Variants in DLGAP1 observed in about 807,000 individuals in gnomAD.
DLGAP1 encodes disks large-associated protein 1.
Under a neutral mutation model 90.8 loss-of-function variants are expected in DLGAP1, and 11 were observed. That is an observed-to-expected ratio of 0.12 (90% CI 0.08 to 0.20). DLGAP1 has a LOEUF of 0.20. Among genes scored for constraint, DLGAP1 ranks in the 10% least tolerant of loss-of-function variants. DLGAP1 has a pLI of 1.00. For missense variants in DLGAP1, 1,050 were observed against 1,333.8 expected (o/e 0.79, Z 3.31); for synonymous variants, 558 against 540.7 (o/e 1.03, Z -0.44).
intron 1 of DLGAP1, among the ~76,000 whole-genome samples, chr18:4,306,139 G>A (rs1281809059): frequency 4.6e-5 from 7 of 151,572 alleles, no homozygotes; most frequent in Non-Finnish European, 8.8e-5. Context: ...GGTGATATCT[G>A]GAAAACTGGT....
At chr18:3,513,793 C>T (rs2050674919) in intron 10 of DLGAP1, among the ~76,000 whole-genome samples, 1 of 152,166 alleles carries the variant, frequency 6.6e-6, no homozygotes, top group Admixed American at 6.5e-5. Context: ...CTCCTGACTA[C>T]ATTCAAAGAC....
chr18:4,249,817 G>A (rs2078742622), intron 1 of DLGAP1, among the ~76,000 whole-genome samples: 1 of 152,146 alleles, frequency 6.6e-6, no homozygotes, highest in African/African-American at 2.4e-5. Context: ...TCAAACTCCT[G>A]GGCTTAAGTG....
At chr18:4,046,938 T>A (rs997796300) in intron 2 of DLGAP1, among the ~76,000 whole-genome samples, 2 of 152,352 alleles carry the variant, frequency 1.3e-5, no homozygotes, top group South Asian at 2.1e-4. Context: ...AATTTTGGGA[T>A]GTCAGATTGA....
rs2081205996 is a variant in DLGAP1 at position 4,342,225 on chromosome 18, C to A, written c.-267+112781G>T. Among the ~76,000 whole-genome samples the A allele has an allele frequency of 6.6e-6, 1 of 152,030 alleles. No individual in the cohort carries two copies. Among genetic ancestry groups the A allele is most frequent in the Non-Finnish European group, 1.5e-5 (1 of 67,994 alleles). On this transcript the variant is annotated intron_variant, in intron 1 of 12. Transcript: ENST00000315677. This position sits in a 1 kb window ranked among gnomAD's most constrained non-coding sequence, Gnocchi z 5.8. Reference sequence around the variant, plus strand: ...TAGGGTGTTTCTAGAAATGGTAACCCTGGGATCACCTACAACAGAGCCCCT... The same window carrying A: ...TAGGGTGTTTCTAGAAATGGTAACCATGGGATCACCTACAACAGAGCCCCT...
At chr18:3,550,791 G>A (rs1213591210) in intron 9 of DLGAP1, among the ~76,000 whole-genome samples, 1 of 143,576 alleles carries the variant, frequency 7.0e-6, no homozygotes, top group Non-Finnish European at 1.5e-5. Context: ...GCCCAGGCTG[G>A]AGTGCAGTGG....
At chr18:3,951,288 T>C (rs141168894) in intron 3 of DLGAP1, among the ~76,000 whole-genome samples, 1 of 152,344 alleles carries the variant, frequency 6.6e-6, no homozygotes, top group East Asian at 1.9e-4. Context: ...AACACATACA[T>C]CAAAATACTT....
chr18:3,591,983 G>C (rs2056272518), intron 7 of DLGAP1, among the ~76,000 whole-genome samples: 1 of 152,122 alleles, frequency 6.6e-6, no homozygotes, highest in Non-Finnish European at 1.5e-5. Context: ...TGGCTGGGAG[G>C]CTATAGCAAT....
Position 4,129,602 on chromosome 18 carries a change from C to T in DLGAP1, c.-159+21578G>A, listed in dbSNP as rs139108920. Among the ~76,000 whole-genome samples the T allele has an allele frequency of 3.5e-3, 532 of 152,204 alleles. 5 individuals are homozygous for T. Among genetic ancestry groups the T allele is most frequent in the African/African-American group, 0.012 (516 of 41,528 alleles). The stretch of plus-strand genomic sequence containing the variant: ...AGGAACACTGCGACTTTTCCTGAGG[C>T]TTTGGGTTACTGGAAGATGAGGAAG... On this transcript the variant is annotated intron_variant, in intron 2 of 12. Transcript: ENST00000315677.
chr18:3,797,968 G>A (rs1447520791), intron 5 of DLGAP1, among the ~76,000 whole-genome samples: 1 of 152,140 alleles, frequency 6.6e-6, no homozygotes, highest in East Asian at 1.9e-4. Flanking sequence ...GTTTTATAAG[G>A]GGAAACCCCT....
intron 1 of DLGAP1, among the ~76,000 whole-genome samples, chr18:4,354,201 T>C (rs1169723345): frequency 2.0e-5 from 3 of 152,180 alleles, no homozygotes; most frequent in Non-Finnish European, 1.5e-5. Context: ...AGGCAGATGA[T>C]AGAAACTAGG....
chr18:4,220,501 A>C (rs1466479956), intron 1 of DLGAP1, among the ~76,000 whole-genome samples: 1 of 152,176 alleles, frequency 6.6e-6, no homozygotes, highest in African/African-American at 2.4e-5. Flanking sequence ...TAAATTTGTC[A>C]TCAACAACAT....
In DLGAP1 at chr18:4,117,127, CA is replaced by C. The variant is rs143476571; in HGVS notation, c.-159+34052del. Among the ~76,000 whole-genome samples the C allele has an allele frequency of 2.8e-3, 425 of 152,294 alleles. 1 individual carries two copies. The highest frequency in any genetic ancestry group is 9.6e-3 in the African/African-American group (400 of 41,562). On this transcript the variant is annotated intron_variant, in intron 2 of 12. Coordinates refer to ENST00000315677, the MANE Select transcript of DLGAP1 (RefSeq NM_004746.4). ...CAAAGGGAAGATCACGTGAAGACAG[CA>C]TGTGAAGACCACGTGGAGGGAGGTG... is the stretch of plus-strand genomic sequence containing the variant.
chr18:4,106,323 T>C (rs1314594339), intron 2 of DLGAP1, among the ~76,000 whole-genome samples: 1 of 152,146 alleles, frequency 6.6e-6, no homozygotes, highest in South Asian at 2.1e-4. Context: ...AATTCACCCC[T>C]TTTCCAATCA....
chr18:3,864,272 C>A (rs976828471), intron 4 of DLGAP1, among the ~76,000 whole-genome samples: 1 of 152,188 alleles, frequency 6.6e-6, no homozygotes, highest in Non-Finnish European at 1.5e-5. Flanking sequence ...TAGTTCTATT[C>A]ATCTATTCAT....
chr18:3,831,472 T>G (rs1348665444), intron 4 of DLGAP1, among the ~76,000 whole-genome samples: 1 of 152,226 alleles, frequency 6.6e-6, no homozygotes, highest in African/African-American at 2.4e-5. Flanking sequence ...TATTGTTCTC[T>G]TAAAGAGTTT....
intron 7 of DLGAP1, among the ~76,000 whole-genome samples, chr18:3,645,246 C>T (rs1057290817): frequency 6.6e-6 from 1 of 152,132 alleles, no homozygotes; most frequent in Admixed American, 6.5e-5. Context: ...GTGCATACCA[C>T]CACACCTGGC....
At chr18:3,778,193 C>T (rs1217256862) in intron 5 of DLGAP1, among the ~76,000 whole-genome samples, 1 of 152,134 alleles carries the variant, frequency 6.6e-6, no homozygotes, top group Non-Finnish European at 1.5e-5. Flanking sequence ...GTAATCCCAG[C>T]ACTTTGGGAG....
chr18:4,350,019 T>C (rs1470751808), intron 1 of DLGAP1, among the ~76,000 whole-genome samples: 3 of 152,136 alleles, frequency 2.0e-5, no homozygotes, highest in African/African-American at 7.2e-5. Flanking sequence ...AGACAGAACT[T>C]TCTAAAGGAT....
rs1157345829 is a variant in DLGAP1, at chr18:4,163,626, C to T, written c.-266-12339G>A. Among the ~76,000 whole-genome samples, 4 of 152,172 alleles carry T rather than the reference C, an allele frequency of 2.6e-5. No homozygotes were observed. The East Asian group carries it at 7.7e-4, about 29-fold the overall frequency. On this transcript the variant is annotated intron_variant, in intron 1 of 12. Coordinates refer to ENST00000315677, the MANE Select transcript of DLGAP1 (RefSeq NM_004746.4). ...ATAAAATGTCTGCTAAAATAGAGGG[C>T]AGTAATTCTGTTGATATAATAATTA...
Sources: gnomAD v4.1 joint callset for allele counts (sites outside exome capture counted in the v4.1 genomes callset) on GRCh38, gnomAD v4.1.1 for gene constraint, Gnocchi (gnomAD v3.1) non-coding constraint, MANE v1.5 for transcripts, NCBI Gene and HGNC (gene_info 2026-07-23, HGNC 2026-07-21) for gene names.